Variants in DYNC2I2 observed in about 807,000 individuals in gnomAD.
DYNC2I2 encodes cytoplasmic dynein 2 intermediate chain 2.
Under a neutral mutation model 52.0 loss-of-function variants are expected in DYNC2I2, and 39 were observed. That is an observed-to-expected ratio of 0.75 (90% confidence interval 0.58 to 0.98). The LOEUF (loss-of-function observed/expected upper bound fraction) is 0.98. DYNC2I2 is among the 50% of genes least tolerant of loss of function. DYNC2I2 has a pLI of 0.00. For missense variants in DYNC2I2, 743 were observed against 728.4 expected (o/e 1.02, Z -0.23); for synonymous variants, 359 against 321.1 (o/e 1.12, Z -1.26).
the DYNC2I2 span, among the ~76,000 whole-genome samples, chr9:128,677,926 T>C: frequency 6.6e-6 from 1 of 152,172 alleles, no homozygotes; most frequent in Non-Finnish European, 1.5e-5. Context: ...GATTCGTTTA[T>C]TGGGAATCCT....
the DYNC2I2 span, among the ~76,000 whole-genome samples, chr9:128,679,905 A>G: frequency 6.6e-6 from 1 of 152,302 alleles, no homozygotes; most frequent in East Asian, 1.9e-4. Context: ...AGATTCATGA[A>G]TGAAATACAC....
the DYNC2I2 span, among the ~76,000 whole-genome samples, chr9:128,665,025 A>T: frequency 6.6e-6 from 1 of 151,726 alleles, no homozygotes; most frequent in Non-Finnish European, 1.5e-5. Context: ...GGGTAAAATT[A>T]TAACTGTGAA....
the DYNC2I2 span, among the ~76,000 whole-genome samples, chr9:128,678,841 G>C: frequency 6.6e-6 from 1 of 151,818 alleles, no homozygotes; most frequent in Non-Finnish European, 1.5e-5. Context: ...AGGTCGAGGC[G>C]AGCAGATCAT....
chr9:128,678,409 T>C, the DYNC2I2 span, among the ~76,000 whole-genome samples: 1 of 150,956 alleles, frequency 6.6e-6, no homozygotes, highest in East Asian at 1.9e-4. Flanking sequence ...AAAAACTTAA[T>C]TTTTCATTTT....
rs10114606 is a variant in DYNC2I2, at chr9:128,637,260, G to C, written c.436-233C>G. Reference sequence around the variant, plus strand: ...AGGCCGACCAGGCTCCCGCCCAGAGGGGTGGCTGCCCTCACAGGCACACTC... The same window carrying C: ...AGGCCGACCAGGCTCCCGCCCAGAGCGGTGGCTGCCCTCACAGGCACACTC... On this transcript the variant is annotated intron_variant, in intron 2 of 8. Transcript: ENST00000372715. 0.82 allele frequency among the ~76,000 whole-genome samples: 124,699 copies of C among 152,232 alleles called. 51,711 individuals are homozygous for C. Among genetic ancestry groups the C allele is most frequent in the Non-Finnish European group, 0.89 (60,702 of 68,028 alleles).
the DYNC2I2 span, among the ~76,000 whole-genome samples, chr9:128,677,083 C>T: frequency 6.0e-5 from 9 of 150,562 alleles, no homozygotes; most frequent in East Asian, 2.0e-4. Flanking sequence ...CTCCTGACCT[C>T]GTGATCCACC....
At chr9:128,657,087 G>T (rs991586793), upstream of DYNC2I2, among the ~76,000 whole-genome samples, 18 of 152,234 alleles carry the variant, frequency 1.2e-4, no homozygotes, top group Non-Finnish European at 2.4e-4. Context: ...CGAGGTCTGG[G>T]CCTGGGAGCG....
rs1860839932 is a variant in DYNC2I2, at chr9:128,656,835, T to C, written c.-109A>G. On this transcript the variant is annotated 5_prime_UTR_variant, in exon 1 of 9. Coordinates refer to ENST00000372715, the MANE Select transcript of DYNC2I2 (RefSeq NM_052844.4). ...GAGGCTGACGGCGCCATGTTTGAAT[T>C]GGTCGCAGCGCCTCCTGCAAGACCT... 1 of 1,129,158 alleles carries C rather than the reference T, an allele frequency of 8.9e-7. No individual in the cohort carries two copies. Among genetic ancestry groups the C allele is most frequent in the Admixed American group, 4.2e-5 (1 of 23,638 alleles). 69.9% of individuals were successfully genotyped at this position (1,129,158 alleles called of 1,614,324 possible).
intron 5 of DYNC2I2, 51 bp from the exon 6 acceptor site, chr9:128,635,310 G>A: frequency 1.3e-6 from 2 of 1,583,890 alleles, no homozygotes; most frequent in Non-Finnish European, 1.7e-6. Context: ...CACCTGCCCA[G>A]GTGTCACGCT....
At chr9:128,684,356 G>A in the DYNC2I2 span, among the ~76,000 whole-genome samples, 1,124 of 152,176 alleles carry the variant, frequency 7.4e-3, 16 homozygotes, top group East Asian at 0.054. Context: ...CCGATTCCTG[G>A]TGGTTCTACC....
chr9:128,657,221 T>G (rs1860850057), upstream of DYNC2I2, among the ~76,000 whole-genome samples: 1 of 152,194 alleles, frequency 6.6e-6, no homozygotes, highest in Non-Finnish European at 1.5e-5. Flanking sequence ...AGAATGATGA[T>G]GAAAAATATT....
chr9:128,634,867 C>T lies in DYNC2I2; in HGVS notation c.1036G>A (p.Asp346Asn). ...GTGCCCAGAATGAACAGCCTAGGGT[C>T]AAAGCTGGAGAAGGCCACTGCCGTG... Reference protein sequence around the residue: ...GATAVAFSSFDPRLFILGTEG... With the variant: ...GATAVAFSSFNPRLFILGTEG... Residue 346 changes from aspartate to asparagine, a missense_variant, in exon 7 of 9, where the codon GAC becomes AAC. Physicochemically the swap from Asp to Asn is conservative, Grantham distance 23 (BLOSUM62 1). Transcript: ENST00000372715. 6.2e-7 allele frequency: 1 copy of T among 1,613,484 alleles called. No individual in the cohort carries two copies. Among genetic ancestry groups the T allele is most frequent in the Non-Finnish European group, 8.5e-7 (1 of 1,179,966 alleles).
chr9:128,670,728 C>A, the DYNC2I2 span, among the ~76,000 whole-genome samples: 1 of 131,154 alleles, frequency 7.6e-6, no homozygotes, highest in African/African-American at 2.9e-5. Flanking sequence ...GAGTGAGACT[C>A]CATCTCAAAC....
chr9:128,636,257 A>C, intron 4 of DYNC2I2, 24 bp downstream of exon 4: 3 of 1,555,124 alleles, frequency 1.9e-6, no homozygotes, highest in Admixed American at 3.9e-5. Flanking sequence ...AGAGGAGAGG[A>C]GGCGGACACA....
rs929085673 is a variant in DYNC2I2, at chr9:128,642,597, C to T, written c.187-1658G>A. The stretch of plus-strand genomic sequence containing the variant: ...CATCCTGGCTAATACGGTGAAACCC[C>T]GTCTCTACTAAAAATACAAAAAAAT... On this transcript the variant is annotated intron_variant, in intron 1 of 8. Transcript: ENST00000372715. Among the ~76,000 whole-genome samples the T allele has an allele frequency of 5.3e-5, 8 of 151,834 alleles. No individual in the cohort carries two copies. In the East Asian group the frequency reaches 5.9e-4, roughly 11 times the overall value.
chr9:128,636,105 C>T lies in DYNC2I2; in HGVS notation c.703+176G>A, dbSNP rs78308846. ...CTGGCCCCCTTCCAGACTCCTCCCC[C>T]GAGTTCCACCCCTCAGGGCTCACTG... On this transcript the variant is annotated intron_variant, in intron 4 of 8. Coordinates refer to ENST00000372715, the MANE Select transcript of DYNC2I2 (RefSeq NM_052844.4). 9.4e-4 allele frequency: 965 copies of T among 1,022,160 alleles called. 5 individuals are homozygous for T. The African/African-American group carries it at 0.014, about 15-fold the overall frequency. The allele number at this position is 1,022,160 out of a possible 1,614,324, so 63.3% of individuals were successfully genotyped here. A position where few individuals can be genotyped will look rare whatever the true frequency, so the allele number is the denominator to read the frequency against.
At chr9:128,683,516 AG>A in the DYNC2I2 span, 1 of 243,282 alleles carries the variant, frequency 4.1e-6, no homozygotes, top group Non-Finnish European at 8.0e-6. Flanking sequence ...AGTTCTCAGT[AG>A]GGGCAGGCCT....
the DYNC2I2 span, among the ~76,000 whole-genome samples, chr9:128,668,268 C>T: frequency 7.2e-6 from 1 of 138,736 alleles, no homozygotes; most frequent in Non-Finnish European, 1.7e-5. Context: ...CAGTCTCGAT[C>T]TCTTGACCTT....
upstream of DYNC2I2, among the ~76,000 whole-genome samples, chr9:128,661,729 T>G (rs550685445): frequency 6.6e-6 from 1 of 150,798 alleles, no homozygotes; most frequent in South Asian, 2.1e-4. Context: ...ACTTACTTGA[T>G]CCTCAGGGGA....
Sources: gnomAD v4.1 joint callset for allele counts (sites outside exome capture counted in the v4.1 genomes callset) on GRCh38, gnomAD v4.1.1 for gene constraint, MANE v1.5 for transcripts, NCBI Gene and HGNC (gene_info 2026-07-23, HGNC 2026-07-21) for gene names.